CXADR: variants seen among roughly 807,000 people sequenced by gnomAD.
The protein encoded by CXADR is coxsackievirus and adenovirus receptor.
Under a neutral mutation model 40.3 loss-of-function variants are expected in CXADR, and 20 were observed. That is an observed-to-expected ratio of 0.50 (90% CI 0.35 to 0.72). CXADR has a LOEUF of 0.72. Ranked by LOEUF, CXADR falls within the 30% of genes least tolerant of loss-of-function variation. The pLI is 0.01. For missense variants in CXADR, 332 were observed against 449.1 expected, an observed-to-expected ratio of 0.74 and a Z score of 2.36; for synonymous variants, 150 against 161.3, an observed-to-expected ratio of 0.93 and a Z score of 0.53.
intron 7 of CXADR, among the ~76,000 whole-genome samples, chr21:17,587,309 G>A (rs1376919020): frequency 2.0e-5 from 3 of 151,986 alleles, no homozygotes; most frequent in Admixed American, 6.6e-5. Flanking sequence ...CTGAGGAATC[G>A]CCACACTGAC....
At chr21:17,620,719 G>T in the CXADR span, among the ~76,000 whole-genome samples, 1 of 151,564 alleles carries the variant, frequency 6.6e-6, no homozygotes, top group Non-Finnish European at 1.5e-5. Context: ...CAGAAATAAC[G>T]TAAAAAAAAA....
At chr21:17,612,492 G>GCCTCGCGGGCCGC in the CXADR span, 3 of 152,172 alleles carry the variant, frequency 2.0e-5, no homozygotes, top group Non-Finnish European at 4.4e-5. Context: ...CCCGCGGAAA[G>GCCTCGCGGGCCGC]CCTCGCGGGC....
rs778349868 is a variant in CXADR at position 17,561,428 on chromosome 21, A to G, written c.785A>G (p.Lys262Arg). The G allele has an allele frequency of 3.8e-5, 61 of 1,612,552 alleles. No individual in the cohort carries two copies. Among genetic ancestry groups the G allele is most frequent in the Non-Finnish European group, 1.6e-5 (19 of 1,179,254 alleles). The change falls in exon 6 of 7, where the codon AAA becomes AGA. Residue 262 changes from lysine to arginine, a missense_variant. Transcript: ENST00000284878. ...GGTCTTATCATCTTTTGCTGTCGTAAAAAGCGCAGAGAAGAAAAATATGAA... is the reference window on the plus strand; with the variant it reads ...GGTCTTATCATCTTTTGCTGTCGTAGAAAGCGCAGAGAAGAAAAATATGAA... Reference protein sequence around the residue: ...LIGLIIFCCRKKRREEKYEKE... With the variant: ...LIGLIIFCCRRKRREEKYEKE...
chr21:17,627,816 G>A, the CXADR span, among the ~76,000 whole-genome samples: 3 of 152,134 alleles, frequency 2.0e-5, no homozygotes, highest in African/African-American at 7.2e-5. Context: ...CAACTTTGTG[G>A]ACCATGATGA....
At chr21:17,609,724 T>C in the CXADR span, among the ~76,000 whole-genome samples, 983 of 152,266 alleles carry the variant, frequency 6.5e-3, 59 homozygotes, top group East Asian at 0.13. Context: ...GAAATGCCCA[T>C]AGCAGTATTC....
chr21:17,519,004 A>G (rs907949246), intron 1 of CXADR: 10 of 1,602,452 alleles, frequency 6.2e-6, no homozygotes, highest in Non-Finnish European at 8.5e-6. Flanking sequence ...GCTGTTGGTA[A>G]ATCTGAAGCA....
In CXADR at chr21:17,530,294, AT is replaced by A. The variant is rs145879427; in HGVS notation, c.44-16730del. On this transcript the variant is annotated intron_variant, in intron 1 of 6. Transcript: ENST00000284878. ...TCACCCTTTTTTCCACTCTTTTCTG[AT>A]TTCTAACAATGTAGATTAGTGTTAA... The A allele has an allele frequency of 7.2e-3, 2,651 of 366,632 alleles. 64 individuals carry two copies. Among genetic ancestry groups the A allele is most frequent in the African/African-American group, 0.052 (2,377 of 45,626 alleles). The allele number at this position is 366,632 out of a possible 1,614,324, so 22.7% of individuals were successfully genotyped here. A position where few individuals can be genotyped will look rare whatever the true frequency, so the allele number is the denominator to read the frequency against.
At chr21:17,537,012 C>T (rs1287444548) in intron 1 of CXADR, among the ~76,000 whole-genome samples, 2 of 152,198 alleles carry the variant, frequency 1.3e-5, no homozygotes, top group African/African-American at 2.4e-5. Flanking sequence ...CCCGTCTCAG[C>T]CTCCCAAAGT....
At position 17,593,197 on chromosome 21, in the gene CXADR, T is replaced by C. The variant is rs746345099; in HGVS notation, c.*4T>C. The C allele has an allele frequency of 3.4e-6, 5 of 1,457,086 alleles. No homozygotes were observed. In the Admixed American group the frequency reaches 7.3e-5, roughly 21 times the overall value. 90.3% of individuals were successfully genotyped at this position (1,457,086 alleles called of 1,614,324 possible). On this transcript the variant is annotated 3_prime_UTR_variant, in exon 8 of 8. Coordinates refer to the CXADR transcript ENST00000400169. ...TGATGGAATTACAGTTGTATAAATATGGACTACTGAAGAATCTGAAGTATT... is the reference window on the plus strand; with the variant it reads ...TGATGGAATTACAGTTGTATAAATACGGACTACTGAAGAATCTGAAGTATT...
At chr21:17,564,616 T>A (rs1022664635) in intron 6 of CXADR, among the ~76,000 whole-genome samples, 1 of 152,102 alleles carries the variant, frequency 6.6e-6, no homozygotes, top group African/African-American at 2.4e-5. Flanking sequence ...GGTATGAAAA[T>A]TCTTATGCCT....
chr21:17,593,097 C>T (rs2061455466), intron 7 of CXADR: 5 of 1,285,424 alleles, frequency 3.9e-6, no homozygotes, highest in African/African-American at 3.1e-5. Context: ...TAAAAATTTA[C>T]CTTTGGAGAA....
chr21:17,585,100 C>T (rs60665899), intron 7 of CXADR, among the ~76,000 whole-genome samples: 1,682 of 152,082 alleles, frequency 0.011, 33 homozygotes, highest in African/African-American at 0.039. Context: ...AATGTATTGT[C>T]TATATTTTTT....
chr21:17,598,581 C>T, the CXADR span: 1 of 1,578,136 alleles, frequency 6.3e-7, no homozygotes, highest in Non-Finnish European at 8.7e-7. Context: ...GCAATCCCTG[C>T]ACATCCCTTT....
downstream of CXADR, chr21:17,598,538 G>A (rs2061532579): frequency 8.3e-7 from 1 of 1,205,098 alleles, no homozygotes; most frequent in Non-Finnish European, 1.2e-6. Flanking sequence ...GAAACCTTGG[G>A]CAATGCCAAG....
chr21:17,634,790 G>A, the CXADR span, among the ~76,000 whole-genome samples: 6 of 152,016 alleles, frequency 3.9e-5, no homozygotes, highest in African/African-American at 1.4e-4. Context: ...TATTGCCCAG[G>A]CTATAGTGCA....
chr21:17,566,301 A>G lies in CXADR; in HGVS notation c.*609A>G, dbSNP rs1041161617. On this transcript the variant is annotated 3_prime_UTR_variant, in exon 7 of 7. Coordinates refer to ENST00000284878, the MANE Select transcript of CXADR (RefSeq NM_001338.5). ...AGTCATTCATAAACCTTGTCTATGA[A>G]ATGACTTCTTAAATATTTAGTTGAT... 1.0e-6 allele frequency: 1 copy of G among 984,146 alleles called. No individual in the cohort carries two copies. Among genetic ancestry groups the G allele is most frequent in the Admixed American group, 6.1e-5 (1 of 16,264 alleles). The allele number at this position is 984,146 out of a possible 1,614,324, so 61.0% of individuals were successfully genotyped here. A position where few individuals can be genotyped will look rare whatever the true frequency, so the allele number is the denominator to read the frequency against.
intron 1 of CXADR, chr21:17,543,085 CAAAA>C (rs924513881): frequency 2.1e-5 from 7 of 338,360 alleles, no homozygotes; most frequent in Middle Eastern, 4.4e-4. Flanking sequence ...AAACAAAAAA[CAAAA>C]AAATCTAAAA....
Position 17,561,299 on chromosome 21 carries a change from T to A in CXADR, c.695-39T>A, listed in dbSNP as rs766509347. ...TACCTTCAGTATCTATACATGTATA[T>A]ATGTATATATTTTTTACTATTAATT... On this transcript the variant is annotated intron_variant, in intron 5 of 6. Coordinates refer to ENST00000284878, the MANE Select transcript of CXADR (RefSeq NM_001338.5). The A allele has an allele frequency of 6.0e-6, 7 of 1,164,818 alleles. No individual in the cohort carries two copies. In the South Asian group the frequency reaches 1.1e-4, roughly 18 times the overall value. The allele number at this position is 1,164,818 out of a possible 1,614,324, so 72.2% of individuals were successfully genotyped here.
intron 1 of CXADR, among the ~76,000 whole-genome samples, chr21:17,517,523 A>C (rs562669092): frequency 2.6e-4 from 39 of 152,296 alleles, no homozygotes; most frequent in African/African-American, 9.4e-4. Flanking sequence ...TCAAAAGCAC[A>C]TTCCCAATTT....
Sources: gnomAD v4.1 joint callset for allele counts (sites outside exome capture counted in the v4.1 genomes callset) on GRCh38, gnomAD v4.1.1 for gene constraint, MANE v1.5 for transcripts, NCBI Gene and HGNC (gene_info 2026-07-23, HGNC 2026-07-21) for gene names.